KAZN: variants seen among roughly 807,000 people sequenced by gnomAD.
KAZN encodes kazrin.
Under a neutral mutation model 87.4 loss-of-function variants are expected in KAZN, and 40 were observed. The ratio of observed to expected loss-of-function variants is 0.46; its 90% confidence interval spans 0.36 to 0.60. The LOEUF (loss-of-function observed/expected upper bound fraction) is 0.60, where lower values mean the gene tolerates loss of function less well. Ranked by LOEUF, KAZN falls within the 20% of genes least tolerant of loss-of-function variation. The pLI is 0.00. For missense variants in KAZN, 898 were observed against 1,073.9 expected (o/e 0.84, Z 2.29); for synonymous variants, 466 against 458.3 (o/e 1.02, Z -0.22).
intron 1 of KAZN, among the ~76,000 whole-genome samples, chr1:14,030,250 G>T (rs544342310): frequency 2.6e-4 from 40 of 151,948 alleles, no homozygotes; most frequent in African/African-American, 9.4e-4. Flanking sequence ...GTGAATGGGA[G>T]TTCACTCATG....
At chr1:14,668,835 C>T (rs748790889) in intron 1 of KAZN, among the ~76,000 whole-genome samples, 2 of 152,106 alleles carry the variant, frequency 1.3e-5, no homozygotes, top group Non-Finnish European at 2.9e-5. Context: ...GGCATGAAGC[C>T]GGCTGCAGCT....
At chr1:14,490,965 A>C (rs1449911256) in intron 2 of KAZN, among the ~76,000 whole-genome samples, 1 of 152,250 alleles carries the variant, frequency 6.6e-6, no homozygotes, top group Non-Finnish European at 1.5e-5. Flanking sequence ...CTATTGATTG[A>C]GAAAATACTA....
At chr1:14,924,651 G>A (rs912822079) in intron 1 of KAZN, 3 of 825,664 alleles carry the variant, frequency 3.6e-6, no homozygotes, top group Non-Finnish European at 4.4e-6. Flanking sequence ...GCGCGAGGGC[G>A]CTCGGAGCCG....
At chr1:14,553,673 T>C (rs765903656) in intron 2 of KAZN, among the ~76,000 whole-genome samples, 17 of 152,154 alleles carry the variant, frequency 1.1e-4, no homozygotes, top group Non-Finnish European at 1.5e-5. Flanking sequence ...AACCCCCCTC[T>C]TGGGCTTGGG....
chr1:14,858,298 C>T (rs1244119211), intron 1 of KAZN, among the ~76,000 whole-genome samples: 2 of 149,052 alleles, frequency 1.3e-5, no homozygotes, highest in African/African-American at 5.0e-5. Flanking sequence ...CCGCAACCTC[C>T]ACCTCCCAGG....
intron 2 of KAZN, among the ~76,000 whole-genome samples, chr1:14,483,757 A>T (rs1669202106): frequency 2.0e-5 from 3 of 152,030 alleles, no homozygotes; most frequent in Non-Finnish European, 4.4e-5. Context: ...CTGTACAGAG[A>T]CTTTTTAGGT....
chr1:14,189,871 T>C (rs564165732), intron 2 of KAZN, among the ~76,000 whole-genome samples: 71 of 152,314 alleles, frequency 4.7e-4, no homozygotes, highest in Admixed American at 8.5e-4. Flanking sequence ...CAATTTTTTA[T>C]CTATTGGAAA....
chr1:13,961,319 A>T (rs185771958), intron 1 of KAZN, among the ~76,000 whole-genome samples: 2 of 152,358 alleles, frequency 1.3e-5, no homozygotes, highest in Admixed American at 1.3e-4. Context: ...ACACACACAC[A>T]TGCACATGTA....
At chr1:14,275,415 T>C (rs6429833) in intron 2 of KAZN, among the ~76,000 whole-genome samples, 123,095 of 151,158 alleles carry the variant, frequency 0.81, 50,966 homozygotes, top group Middle Eastern at 0.92. Flanking sequence ...TTCTGATGCA[T>C]CGTGAAAACT....
In KAZN at chr1:15,056,515, G is replaced by A. The variant is rs1638293405; in HGVS notation, c.916+235G>A. Among the ~76,000 whole-genome samples the A allele has an allele frequency of 6.6e-6, 1 of 151,760 alleles. No homozygotes were observed. The highest frequency in any genetic ancestry group is 2.1e-4 in the South Asian group (1 of 4,776). ...GACCGTCTCTCCATCTCTTAGCTCT[G>A]CCCACCTCCTTTTGGCCTCATCTTC... On this transcript the variant is annotated intron_variant, in intron 5 of 14. Transcript: ENST00000376030. This position sits in a 1 kb window ranked among gnomAD's most constrained non-coding sequence, Gnocchi z 5.4.
At chr1:13,923,580 A>AAAG (rs1382063140) in intron 1 of KAZN, among the ~76,000 whole-genome samples, 5 of 142,192 alleles carry the variant, frequency 3.5e-5, no homozygotes, top group Non-Finnish European at 4.6e-5. Context: ...CTCAAAAAAA[A>AAAG]AAAAAAAAAA....
intron 2 of KAZN, among the ~76,000 whole-genome samples, chr1:14,392,901 T>C (rs1412931151): frequency 6.6e-6 from 1 of 152,146 alleles, no homozygotes; most frequent in Non-Finnish European, 1.5e-5. Flanking sequence ...GTATACATTT[T>C]CTAGTTGGGG....
At chr1:14,914,235 A>T (rs558566338) in intron 1 of KAZN, among the ~76,000 whole-genome samples, 186 of 152,238 alleles carry the variant, frequency 1.2e-3, no homozygotes, top group Middle Eastern at 0.01. Context: ...CAGGGGCCAC[A>T]CTTTGAGAAC....
intron 1 of KAZN, among the ~76,000 whole-genome samples, chr1:13,999,981 C>T (rs1318601698): frequency 6.6e-6 from 1 of 152,148 alleles, no homozygotes; most frequent in African/African-American, 2.4e-5. Flanking sequence ...CATACACCTT[C>T]CCAAGACTAA....
At chr1:14,404,611 TG>T (rs1475167744) in intron 2 of KAZN, among the ~76,000 whole-genome samples, 1 of 152,192 alleles carries the variant, frequency 6.6e-6, no homozygotes, top group Non-Finnish European at 1.5e-5. Flanking sequence ...ACTGCAGCAC[TG>T]TTTACTCTGG....
Position 14,593,311 on chromosome 1 carries a change from C to T in KAZN, c.250-5672C>T, listed in dbSNP as rs907163880. 3.3e-5 allele frequency among the ~76,000 whole-genome samples: 5 copies of T among 152,240 alleles called. No individual in the cohort carries two copies. The South Asian group carries it at 1.0e-3, about 32-fold the overall frequency. ...AGGAAGATGAATTTGTTCAATCAAC[C>T]ACAAACTCTTTGGAGAAGCATCTAT... On this transcript the variant is annotated intron_variant, in intron 2 of 16. Transcript: ENST00000636203.
intron 1 of KAZN, among the ~76,000 whole-genome samples, chr1:14,019,810 C>T (rs1640739422): frequency 6.6e-6 from 1 of 152,120 alleles, no homozygotes; most frequent in Non-Finnish European, 1.5e-5. Context: ...CAGCAGTGGT[C>T]CCTGATCTTT....
Position 14,344,994 on chromosome 1 carries a change from C to A in KAZN, c.249+164402C>A, listed in dbSNP as rs113618600. ...AGTGCAGTGGCGTGATCTCGGCTCA[C>A]TGCAACCTCCGCCTCCAGGGTTCAA... On this transcript the variant is annotated intron_variant, in intron 2 of 16. Coordinates refer to the KAZN transcript ENST00000636203. Among the ~76,000 whole-genome samples, 996 of 151,286 alleles carry A rather than the reference C, an allele frequency of 6.6e-3. 10 individuals are homozygous for A. The highest frequency in any genetic ancestry group is 0.023 in the African/African-American group (948 of 41,096).
chr1:13,919,332 C>T (rs956765001), intron 1 of KAZN, among the ~76,000 whole-genome samples: 5 of 152,190 alleles, frequency 3.3e-5, no homozygotes, highest in Non-Finnish European at 5.9e-5. Context: ...CTGTCTGGCT[C>T]CTTTTGCTCA....
Sources: gnomAD v4.1 joint callset for allele counts (sites outside exome capture counted in the v4.1 genomes callset) on GRCh38, gnomAD v4.1.1 for gene constraint, Gnocchi (gnomAD v3.1) non-coding constraint, MANE v1.5 for transcripts, NCBI Gene and HGNC (gene_info 2026-07-23, HGNC 2026-07-21) for gene names.